FUT9: variants seen among roughly 807,000 people sequenced by gnomAD.
FUT9 encodes the protein 4-galactosyl-N-acetylglucosaminide 3-alpha-L-fucosyltransferase 9.
Under a neutral mutation model 29.7 loss-of-function variants are expected in FUT9, and 15 were observed. The observed-to-expected ratio is 0.51, with a 90% CI of 0.34 to 0.78. FUT9 has a LOEUF of 0.78. Among genes scored for constraint, FUT9 ranks in the 30% least tolerant of loss-of-function variants. FUT9 has a pLI of 0.01. For synonymous variants in FUT9, 169 were observed against 153.7 expected, an observed-to-expected ratio of 1.10 and a Z score of -0.74; for missense variants, 319 against 425.4, an observed-to-expected ratio of 0.75 and a Z score of 2.20.
chr6:96,160,863 A>C (rs1562147174), intron 2 of FUT9, among the ~76,000 whole-genome samples: 1 of 152,236 alleles, frequency 6.6e-6, no homozygotes, highest in Non-Finnish European at 1.5e-5. Context: ...TAGTAGAAAT[A>C]ACAATAATGA....
intron 1 of FUT9, among the ~76,000 whole-genome samples, chr6:96,039,486 C>T (rs1770417663): frequency 6.6e-6 from 1 of 152,122 alleles, no homozygotes; most frequent in African/African-American, 2.4e-5. Flanking sequence ...CCCGCTATCT[C>T]ATTTTTCTTC....
chr6:96,092,015 T>C (rs188047955), intron 1 of FUT9, among the ~76,000 whole-genome samples: 1 of 152,208 alleles, frequency 6.6e-6, no homozygotes, highest in East Asian at 1.9e-4. Flanking sequence ...AAAAATGATA[T>C]TTGATAAAAT....
intron 1 of FUT9, among the ~76,000 whole-genome samples, chr6:96,061,474 G>T: frequency 6.6e-6 from 1 of 150,992 alleles, no homozygotes; most frequent in African/African-American, 2.4e-5. Flanking sequence ...TTTCATATTT[G>T]CCTTTCCCAA....
intron 2 of FUT9, among the ~76,000 whole-genome samples, chr6:96,167,342 GC>G (rs1368487760): frequency 6.6e-6 from 1 of 152,038 alleles, no homozygotes; most frequent in East Asian, 1.9e-4. Flanking sequence ...AATCAATAAA[GC>G]CAATAATGAG....
chr6:96,021,862 A>C (rs1770074885), intron 1 of FUT9, among the ~76,000 whole-genome samples: 1 of 149,522 alleles, frequency 6.7e-6, no homozygotes, highest in Non-Finnish European at 1.5e-5. Flanking sequence ...ACAGCTTCTG[A>C]AGGTACCTGA....
chr6:96,017,838 C>T (rs889483149), intron 1 of FUT9, among the ~76,000 whole-genome samples: 2 of 152,184 alleles, frequency 1.3e-5, no homozygotes, highest in South Asian at 2.1e-4. Context: ...TGCTTCATCA[C>T]CTTAAAGGAG....
chr6:96,136,898 A>G (rs1772358434), intron 2 of FUT9, among the ~76,000 whole-genome samples: 1 of 152,022 alleles, frequency 6.6e-6, no homozygotes, highest in African/African-American at 2.4e-5. Flanking sequence ...TAAGAATATC[A>G]ACTTTTAATG....
At chr6:96,035,657 TATA>T (rs1179109839) in intron 1 of FUT9, among the ~76,000 whole-genome samples, 13 of 139,586 alleles carry the variant, frequency 9.3e-5, no homozygotes, top group Non-Finnish European at 1.4e-4. Flanking sequence ...ATTATACTAA[TATA>T]ATATTATATT....
chr6:96,107,487 G>T (rs138279852), intron 1 of FUT9, among the ~76,000 whole-genome samples: 1 of 152,264 alleles, frequency 6.6e-6, no homozygotes, highest in East Asian at 1.9e-4. Context: ...ACTGCTTAAA[G>T]CTCAGGAGAA....
chr6:96,018,636 G>A (rs768213768), intron 1 of FUT9, among the ~76,000 whole-genome samples: 7 of 151,882 alleles, frequency 4.6e-5, no homozygotes, highest in African/African-American at 7.2e-5. Flanking sequence ...AGAGGATGAC[G>A]GGTTTAAGTA....
At chr6:96,096,573 C>G (rs911254992) in intron 1 of FUT9, among the ~76,000 whole-genome samples, 1 of 151,896 alleles carries the variant, frequency 6.6e-6, no homozygotes, top group South Asian at 2.1e-4. Flanking sequence ...TTCTTTAAGT[C>G]CACTCTCACT....
chr6:96,041,994 A>G (rs1391426576), intron 1 of FUT9, among the ~76,000 whole-genome samples: 1 of 152,172 alleles, frequency 6.6e-6, no homozygotes, highest in Non-Finnish European at 1.5e-5. Flanking sequence ...TTTATCATCA[A>G]ATTGTACCAA....
At chr6:96,065,330 C>A (rs575131049) in intron 1 of FUT9, among the ~76,000 whole-genome samples, 2 of 152,116 alleles carry the variant, frequency 1.3e-5, no homozygotes, top group African/African-American at 2.4e-5. Flanking sequence ...AAACAATGCT[C>A]TCTTAAGGAT....
At chr6:96,041,545 G>A (rs1263475430) in intron 1 of FUT9, among the ~76,000 whole-genome samples, 1 of 152,148 alleles carries the variant, frequency 6.6e-6, no homozygotes, top group Non-Finnish European at 1.5e-5. Context: ...GCTACTGGCA[G>A]TGTGGTATGG....
intron 2 of FUT9, among the ~76,000 whole-genome samples, chr6:96,158,382 G>T (rs1772830356): frequency 1.3e-5 from 2 of 152,058 alleles, no homozygotes; most frequent in Non-Finnish European, 2.9e-5. Context: ...TATGATATGT[G>T]TGTATGTATG....
intron 1 of FUT9, among the ~76,000 whole-genome samples, chr6:96,042,980 T>C (rs1348061325): frequency 6.6e-6 from 1 of 152,230 alleles, no homozygotes; most frequent in Non-Finnish European, 1.5e-5. Context: ...ACTAAATTTT[T>C]ATGAGTGTGG....
chr6:96,163,741 T>C (rs1261660312), intron 2 of FUT9, among the ~76,000 whole-genome samples: 1 of 152,232 alleles, frequency 6.6e-6, no homozygotes, highest in Non-Finnish European at 1.5e-5. Flanking sequence ...GAAGTTTCTC[T>C]TTTAACACCA....
intron 1 of FUT9, among the ~76,000 whole-genome samples, chr6:96,113,397 C>G (rs566885681): frequency 1.3e-5 from 2 of 151,980 alleles, no homozygotes; most frequent in South Asian, 4.2e-4. Flanking sequence ...TGCTACCACA[C>G]CCAGCTAATT....
rs975466097 is a variant in FUT9 at position 96,208,617 on chromosome 6, C to A, written c.*4382C>A. 1 of 166,602 alleles carries A rather than the reference C, an allele frequency of 6.0e-6. No homozygotes were observed. The highest frequency in any genetic ancestry group is 1.5e-5 in the Non-Finnish European group (1 of 67,970). The allele number at this position is 166,602 out of a possible 1,614,324, so 10.3% of individuals were successfully genotyped here. A position where few individuals can be genotyped will look rare whatever the true frequency, so the allele number is the denominator to read the frequency against. ...ATTTTGTTAGTTTGTCACCTGGATG[C>A]AAAAGGAAGGCATTTTAATTCCTTT... On this transcript the variant is annotated 3_prime_UTR_variant, in exon 3 of 3. Coordinates refer to ENST00000302103, the MANE Select transcript of FUT9 (RefSeq NM_006581.4).
Sources: gnomAD v4.1 joint callset for allele counts (sites outside exome capture counted in the v4.1 genomes callset) on GRCh38, gnomAD v4.1.1 for gene constraint, MANE v1.5 for transcripts, NCBI Gene and HGNC (gene_info 2026-07-23, HGNC 2026-07-21) for gene names.